The following OSBPL6 variants were observed in gnomAD, a reference collection of about 807,000 sequenced individuals.
OSBPL6 encodes oxysterol-binding protein-related protein 6.
A neutral mutation model predicts 125.8 loss-of-function variants in OSBPL6; 49 were observed. The ratio of observed to expected loss-of-function variants is 0.39; its 90% confidence interval spans 0.31 to 0.49. OSBPL6 has a LOEUF of 0.49. Among genes scored for constraint, OSBPL6 ranks in the 20% least tolerant of loss-of-function variants. The pLI, the probability that OSBPL6 is intolerant of heterozygous loss-of-function variation, is 0.88. For synonymous variants in OSBPL6, 394 were observed against 391.8 expected (o/e 1.01, Z -0.07); for missense variants, 986 against 1,135.4 (o/e 0.87, Z 1.89).
chr2:178,288,478 G>A (rs1040709847), intron 2 of OSBPL6, among the ~76,000 whole-genome samples: 5 of 152,052 alleles, frequency 3.3e-5, no homozygotes, highest in South Asian at 2.1e-4. Context: ...AAAATGAGTC[G>A]CCCAAACACC....
At chr2:178,381,401 T>C (rs1250509756) in intron 15 of OSBPL6, among the ~76,000 whole-genome samples, 1 of 152,162 alleles carries the variant, frequency 6.6e-6, no homozygotes, top group Non-Finnish European at 1.5e-5. Flanking sequence ...TCGCCCAGGC[T>C]AGAGTGCAAT....
At chr2:178,252,565 G>T (rs1452376238) in intron 1 of OSBPL6, among the ~76,000 whole-genome samples, 1 of 152,086 alleles carries the variant, frequency 6.6e-6, no homozygotes, top group Non-Finnish European at 1.5e-5. Context: ...TATGGTCAGG[G>T]TTCAAACTCA....
intron 1 of OSBPL6, among the ~76,000 whole-genome samples, chr2:178,263,889 A>T (rs532054897): frequency 2.0e-5 from 3 of 152,146 alleles, no homozygotes; most frequent in African/African-American, 7.2e-5. Context: ...AATGATGATG[A>T]TAAATTTAAA....
chr2:178,356,675 A>T (rs1574957126), intron 12 of OSBPL6, among the ~76,000 whole-genome samples: 1 of 152,238 alleles, frequency 6.6e-6, no homozygotes, highest in Non-Finnish European at 1.5e-5. Flanking sequence ...AAGGTAATTT[A>T]TAGATTCAGT....
intron 14 of OSBPL6, 35 bp downstream of exon 14, chr2:178,372,268 T>C: frequency 7.0e-7 from 1 of 1,436,862 alleles, no homozygotes; most frequent in East Asian, 2.3e-5. Context: ...AGAGTACCTA[T>C]TTTTTAGCAT....
At chr2:178,310,384 T>G (rs1030213068) in intron 3 of OSBPL6, among the ~76,000 whole-genome samples, 11 of 151,862 alleles carry the variant, frequency 7.2e-5, no homozygotes, top group Admixed American at 7.2e-4. Flanking sequence ...AGAAAGCACC[T>G]TAAGTTTAAC....
chr2:178,384,877 TA>T (rs56391259), intron 18 of OSBPL6, among the ~76,000 whole-genome samples: 9,314 of 143,556 alleles, frequency 0.065, 391 homozygotes, highest in East Asian at 0.2. Context: ...GTAGCCTTTT[TA>T]AAAAAAAAAA....
chr2:178,231,786 A>G (rs2090833155), intron 1 of OSBPL6, among the ~76,000 whole-genome samples: 1 of 151,852 alleles, frequency 6.6e-6, no homozygotes, highest in South Asian at 2.1e-4. Flanking sequence ...AGCTGAGACT[A>G]TAGAAGTGCA....
intron 1 of OSBPL6, among the ~76,000 whole-genome samples, chr2:178,237,448 C>T (rs938573572): frequency 1.3e-5 from 2 of 152,154 alleles, no homozygotes; most frequent in South Asian, 4.1e-4. Context: ...CTCTATTGCT[C>T]ACCCATTGAA....
intron 1 of OSBPL6, among the ~76,000 whole-genome samples, chr2:178,233,649 C>T (rs900003486): frequency 2.0e-5 from 3 of 152,152 alleles, no homozygotes; most frequent in African/African-American, 7.2e-5. Flanking sequence ...GAGGTGATGA[C>T]ACATGGGCAG....
chr2:178,285,295 CT>C (rs544867270), intron 2 of OSBPL6, among the ~76,000 whole-genome samples, 174 bp downstream of exon 2: 150 of 147,764 alleles, frequency 1.0e-3, no homozygotes, highest in Non-Finnish European at 1.5e-3. Context: ...ATAAAAAGTT[CT>C]TTTTTTTTTA....
intron 12 of OSBPL6, among the ~76,000 whole-genome samples, chr2:178,355,023 G>A (rs1691641609): frequency 6.6e-6 from 1 of 152,134 alleles, no homozygotes; most frequent in Non-Finnish European, 1.5e-5. Context: ...AAATAAAGAT[G>A]TTCTTTGAAA....
intron 11 of OSBPL6, among the ~76,000 whole-genome samples, chr2:178,347,597 G>A (rs1381628570): frequency 6.6e-6 from 1 of 152,122 alleles, no homozygotes; most frequent in East Asian, 1.9e-4. Context: ...TCCTTTGTAA[G>A]TATCCTAAAA....
At chr2:178,267,375 A>G (rs1346723866) in intron 1 of OSBPL6, among the ~76,000 whole-genome samples, 1 of 139,176 alleles carries the variant, frequency 7.2e-6, no homozygotes, top group Non-Finnish European at 1.6e-5. Flanking sequence ...AAAAAAAAAA[A>G]CAAAACAAGG....
intron 1 of OSBPL6, among the ~76,000 whole-genome samples, chr2:178,228,279 T>C (rs1043291179): frequency 3.3e-5 from 5 of 152,348 alleles, no homozygotes; most frequent in African/African-American, 1.2e-4. Flanking sequence ...CTCATGCCTG[T>C]AATCCCAGCA....
At chr2:178,290,811 G>A (rs568704081) in intron 2 of OSBPL6, among the ~76,000 whole-genome samples, 34 of 151,946 alleles carry the variant, frequency 2.2e-4, no homozygotes, top group Non-Finnish European at 3.8e-4. Flanking sequence ...GTGTTTCCAT[G>A]CCTTTTCAGG....
intron 2 of OSBPL6, among the ~76,000 whole-genome samples, chr2:178,294,094 G>GT (rs1012890885): frequency 3.3e-5 from 5 of 151,950 alleles, no homozygotes; most frequent in African/African-American, 1.2e-4. Context: ...TAATAATGAA[G>GT]TATTCAGAAA....
intron 13 of OSBPL6, among the ~76,000 whole-genome samples, chr2:178,365,538 T>C (rs2154100934): frequency 6.6e-6 from 1 of 152,136 alleles, no homozygotes; most frequent in Non-Finnish European, 1.5e-5. Flanking sequence ...TAGCTGGGCG[T>C]GGTGGCAGGT....
intron 1 of OSBPL6, among the ~76,000 whole-genome samples, chr2:178,244,031 G>GA (rs1195497356): frequency 2.6e-5 from 4 of 151,452 alleles, no homozygotes; most frequent in East Asian, 3.9e-4. Flanking sequence ...TGTAGTTAAA[G>GA]AAAAAAAAAT....
Sources: allele counts gnomAD v4.1 joint callset (sites outside exome capture counted in the v4.1 genomes callset), GRCh38; gene constraint gnomAD v4.1.1; transcripts MANE v1.5; gene names NCBI Gene and HGNC (gene_info 2026-07-23, HGNC 2026-07-21).